The following TUSC3 variants were observed in gnomAD, a reference collection of about 807,000 sequenced individuals.
TUSC3 encodes the protein tumor suppressor candidate 3.
TUSC3 carries 45 observed loss-of-function variants against 44.8 expected under a neutral mutation model. The ratio of observed to expected loss-of-function variants is 1.00; its 90% CI spans 0.79 to 1.29. The LOEUF (loss-of-function observed/expected upper bound fraction) is 1.29, where lower values mean the gene tolerates loss of function less well. Ranked by LOEUF, TUSC3 falls within the 50% of genes most tolerant of loss-of-function variation. The pLI, the probability that TUSC3 is intolerant of heterozygous loss-of-function variation, is 0.00. For missense variants in TUSC3, 519 were observed against 437.9 expected (o/e 1.19, Z -1.65); for synonymous variants, 212 against 152.9 (o/e 1.39, Z -2.85).
At chr8:15,642,657 C>G (rs1806429587) in intron 2 of TUSC3, among the ~76,000 whole-genome samples, 3 of 152,064 alleles carry the variant, frequency 2.0e-5, no homozygotes, top group Non-Finnish European at 2.9e-5. Context: ...TGAGTTAACG[C>G]TTTCCTCATT....
chr8:15,479,271 G>A (rs1800626349), intron 1 of TUSC3, among the ~76,000 whole-genome samples: 1 of 152,154 alleles, frequency 6.6e-6, no homozygotes, highest in Admixed American at 6.6e-5. Flanking sequence ...TTGCTGTGAA[G>A]AAGCTCTCTA....
chr8:15,581,603 G>A (rs1339437747), intron 1 of TUSC3, among the ~76,000 whole-genome samples: 1 of 149,538 alleles, frequency 6.7e-6, no homozygotes, highest in Non-Finnish European at 1.5e-5. Context: ...TGCCCCTGCT[G>A]CGGGGTGCCT....
chr8:15,552,909 T>G (rs1341569889), intron 1 of TUSC3, among the ~76,000 whole-genome samples: 1 of 151,660 alleles, frequency 6.6e-6, no homozygotes, highest in Admixed American at 6.6e-5. Context: ...TAATGATGAC[T>G]TGAAATTAGT....
At chr8:15,663,182 CAG>C (rs1406928398) in intron 5 of TUSC3, among the ~76,000 whole-genome samples, 13 of 151,440 alleles carry the variant, frequency 8.6e-5, no homozygotes, top group Admixed American at 8.6e-4. Context: ...ATAAATCTAA[CAG>C]AAAATGTATG....
chr8:15,503,222 A>G (rs575096676), intron 2 of TUSC3, among the ~76,000 whole-genome samples: 1 of 152,250 alleles, frequency 6.6e-6, no homozygotes, highest in Non-Finnish European at 1.5e-5. Context: ...CATACAGAGG[A>G]AAGACAGTGG....
chr8:15,491,832 C>G (rs1800813173), intron 2 of TUSC3, among the ~76,000 whole-genome samples: 1 of 152,178 alleles, frequency 6.6e-6, no homozygotes, highest in Non-Finnish European at 1.5e-5. Flanking sequence ...TAATAGCTAA[C>G]ATTTGATGAC....
At chr8:15,817,320 C>T in the TUSC3 span, among the ~76,000 whole-genome samples, 1 of 147,428 alleles carries the variant, frequency 6.8e-6, no homozygotes, top group Non-Finnish European at 1.5e-5. Flanking sequence ...GATTTCTGAA[C>T]AACCAGAGAA....
At chr8:15,671,201 A>C (rs960183105) in intron 5 of TUSC3, among the ~76,000 whole-genome samples, 5 of 151,988 alleles carry the variant, frequency 3.3e-5, no homozygotes, top group Admixed American at 6.6e-5. Context: ...TACCTTGGGC[A>C]GGTTATGTAG....
At chr8:15,709,054 AG>A (rs1251905831) in intron 6 of TUSC3, among the ~76,000 whole-genome samples, 1 of 151,898 alleles carries the variant, frequency 6.6e-6, no homozygotes, top group Non-Finnish European at 1.5e-5. Flanking sequence ...TTGATCATTA[AG>A]CTTGGAAGGC....
chr8:15,551,865 C>T (rs760738366), intron 1 of TUSC3, among the ~76,000 whole-genome samples: 1 of 151,738 alleles, frequency 6.6e-6, no homozygotes, highest in Admixed American at 6.6e-5. Flanking sequence ...GAGTTAGCGT[C>T]ATAGCATTTG....
At chr8:15,603,354 T>C (rs1404193708) in intron 1 of TUSC3, among the ~76,000 whole-genome samples, 1 of 151,660 alleles carries the variant, frequency 6.6e-6, no homozygotes, top group African/African-American at 2.4e-5. Flanking sequence ...ATGCAAAAAG[T>C]CTGACAGTGT....
chr8:15,771,347 A>G (rs73199334), downstream of TUSC3, among the ~76,000 whole-genome samples: 3 of 152,342 alleles, frequency 2.0e-5, no homozygotes, highest in Non-Finnish European at 4.4e-5. Flanking sequence ...AAGCTGATTC[A>G]TATGGAAATG....
chr8:15,509,167 C>T (rs1006391445), intron 2 of TUSC3, among the ~76,000 whole-genome samples: 18 of 152,224 alleles, frequency 1.2e-4, no homozygotes, highest in Non-Finnish European at 7.3e-5. Flanking sequence ...TAAGAATCCA[C>T]ATTGTTTTCC....
At chr8:15,439,636 T>G (rs183755589) in intron 1 of TUSC3, among the ~76,000 whole-genome samples, 1 of 152,346 alleles carries the variant, frequency 6.6e-6, no homozygotes, top group East Asian at 1.9e-4. Context: ...TTAACAAAGT[T>G]AGATTCTTTT....
chr8:15,820,656 G>A, the TUSC3 span, among the ~76,000 whole-genome samples: 3 of 152,030 alleles, frequency 2.0e-5, no homozygotes, highest in African/African-American at 4.8e-5. Flanking sequence ...TTCTGATTTC[G>A]GTATTGGCAT....
chr8:15,475,676 T>G (rs540620838), intron 1 of TUSC3, among the ~76,000 whole-genome samples: 2 of 152,172 alleles, frequency 1.3e-5, no homozygotes, highest in African/African-American at 4.8e-5. Context: ...TACATAATCA[T>G]TTTGGTTTTA....
At chr8:15,581,799 G>T (rs1473682580) in intron 1 of TUSC3, among the ~76,000 whole-genome samples, 1 of 134,000 alleles carries the variant, frequency 7.5e-6, no homozygotes, top group Non-Finnish European at 1.6e-5. Flanking sequence ...CCCAGAGGTG[G>T]AGCCTACAGA....
At chr8:15,792,059 C>A in the TUSC3 span, among the ~76,000 whole-genome samples, 1 of 152,038 alleles carries the variant, frequency 6.6e-6, no homozygotes, top group South Asian at 2.1e-4. Context: ...GGTTGGATGT[C>A]TGTTTGCCAG....
chr8:15,586,547 A>G (rs1181525944), intron 1 of TUSC3, among the ~76,000 whole-genome samples: 2 of 152,170 alleles, frequency 1.3e-5, no homozygotes, highest in African/African-American at 4.8e-5. Flanking sequence ...GCATTACCTC[A>G]GGCCCAGCCA....
Sources: gnomAD v4.1 joint callset for allele counts (sites outside exome capture counted in the v4.1 genomes callset) on GRCh38, gnomAD v4.1.1 for gene constraint, MANE v1.5 for transcripts, NCBI Gene and HGNC (gene_info 2026-07-23, HGNC 2026-07-21) for gene names.